Variants in CDH10 observed in about 807,000 individuals in gnomAD.
The protein encoded by CDH10 is cadherin-10.
A neutral mutation model predicts 73.1 loss-of-function variants in CDH10; 30 were observed. That is an observed-to-expected ratio of 0.41 (90% CI 0.31 to 0.56). CDH10 has a LOEUF of 0.56. Among genes scored for constraint, CDH10 ranks in the 20% least tolerant of loss-of-function variants. CDH10 has a pLI of 0.27. For missense variants in CDH10, 815 were observed against 973.7 expected (o/e 0.84, Z 2.17); for synonymous variants, 345 against 348.2 (o/e 0.99, Z 0.10).
At chr5:24,602,269 C>T (rs1746591630) in intron 1 of CDH10, among the ~76,000 whole-genome samples, 1 of 152,146 alleles carries the variant, frequency 6.6e-6, no homozygotes, top group East Asian at 1.9e-4. Flanking sequence ...TATTCAGTCA[C>T]AATTACTGTG....
intron 2 of CDH10, among the ~76,000 whole-genome samples, chr5:24,589,675 G>A (rs1432054546): frequency 6.6e-6 from 1 of 151,882 alleles, no homozygotes; most frequent in African/African-American, 2.4e-5. Flanking sequence ...GTAAATTCAA[G>A]GCTTTACAGT....
At chr5:24,520,007 G>C (rs1743256510) in intron 5 of CDH10, among the ~76,000 whole-genome samples, 1 of 152,060 alleles carries the variant, frequency 6.6e-6, no homozygotes, top group South Asian at 2.1e-4. Flanking sequence ...TGTTCACTTG[G>C]CCTCCCCTAT....
intron 2 of CDH10, among the ~76,000 whole-genome samples, chr5:24,546,545 C>A (rs1360048276): frequency 1.3e-5 from 2 of 151,920 alleles, no homozygotes; most frequent in Non-Finnish European, 2.9e-5. Flanking sequence ...TCCAATTATA[C>A]TTTTTACATG....
chr5:24,639,848 G>T (rs1482161279), intron 1 of CDH10, among the ~76,000 whole-genome samples: 2 of 151,632 alleles, frequency 1.3e-5, no homozygotes, highest in Non-Finnish European at 3.0e-5. Context: ...AATAACTTAT[G>T]CATTGAGCAT....
intron 8 of CDH10, among the ~76,000 whole-genome samples, chr5:24,499,688 G>GAA (rs36056652): frequency 0.04 from 5,882 of 147,350 alleles, 169 homozygotes; most frequent in Non-Finnish European, 0.051. Flanking sequence ...TTCCATCTCA[G>GAA]AAAAAAAAAA....
At chr5:24,548,371 T>C (rs544382206) in intron 2 of CDH10, among the ~76,000 whole-genome samples, 1 of 151,974 alleles carries the variant, frequency 6.6e-6, no homozygotes, top group Admixed American at 6.6e-5. Context: ...TACACCTGCC[T>C]TGGCCTCCCA....
intron 2 of CDH10, among the ~76,000 whole-genome samples, chr5:24,558,207 T>G (rs2319469): frequency 0.83 from 125,423 of 151,438 alleles, 51,974 homozygotes; most frequent in East Asian, 0.9. Context: ...GTGTTTGGGG[T>G]CAAATTTCTG....
At chr5:24,488,416 T>A (rs1741923554) in intron 11 of CDH10, among the ~76,000 whole-genome samples, 1 of 152,160 alleles carries the variant, frequency 6.6e-6, no homozygotes, top group Non-Finnish European at 1.5e-5. Context: ...TGACTTACAC[T>A]TTATTTTCCT....
intron 5 of CDH10, among the ~76,000 whole-genome samples, chr5:24,531,056 A>C (rs2111858571): frequency 6.6e-6 from 1 of 151,686 alleles, no homozygotes; most frequent in South Asian, 2.1e-4. Context: ...TTGTGGATAG[A>C]CTCCCTTCAA....
chr5:24,498,598 T>C, intron 8 of CDH10, 79 bp from the exon 9 acceptor site: 1 of 898,530 alleles, frequency 1.1e-6, no homozygotes, highest in South Asian at 1.5e-5. Context: ...ATCTTGTGGG[T>C]ATGAAGTGCT....
intron 2 of CDH10, among the ~76,000 whole-genome samples, chr5:24,572,393 A>T (rs1021203193): frequency 6.6e-6 from 1 of 152,098 alleles, no homozygotes; most frequent in African/African-American, 2.4e-5. Context: ...AAACCAAGAG[A>T]TAGCCGGAAG....
chr5:24,519,604 T>C (rs1428659783), intron 5 of CDH10, among the ~76,000 whole-genome samples: 1 of 152,162 alleles, frequency 6.6e-6, no homozygotes, highest in Non-Finnish European at 1.5e-5. Flanking sequence ...CAGAGACAAC[T>C]ACCCTAAAAT....
chr5:24,604,482 TA>T (rs1746682322), intron 1 of CDH10, among the ~76,000 whole-genome samples: 2 of 152,150 alleles, frequency 1.3e-5, no homozygotes, highest in Admixed American at 6.6e-5. Flanking sequence ...AGATGATACC[TA>T]AATCATGACA....
chr5:24,570,033 T>C (rs948646141), intron 2 of CDH10, among the ~76,000 whole-genome samples: 1 of 152,150 alleles, frequency 6.6e-6, no homozygotes, highest in Non-Finnish European at 1.5e-5. Context: ...CTCAAAGTCC[T>C]GGGATTACAG....
In CDH10 at chr5:24,633,987, T is replaced by C. The variant is rs143289214; in HGVS notation, c.-124+10607A>G. Reference sequence around the variant, plus strand: ...AGTGAATAGAATTTTACCAGAAATATTAGCAGCAATTTACCCTATAAATGG... The same window carrying C: ...AGTGAATAGAATTTTACCAGAAATACTAGCAGCAATTTACCCTATAAATGG... On this transcript the variant is annotated intron_variant, in intron 1 of 11. Coordinates refer to ENST00000264463, the MANE Select transcript of CDH10 (RefSeq NM_006727.5). Among the ~76,000 whole-genome samples, 85 of 151,956 alleles carry C rather than the reference T, an allele frequency of 5.6e-4. 2 individuals carry two copies. In the East Asian group the frequency reaches 0.016, roughly 29 times the overall value.
chr5:24,586,434 C>CTTTTTT lies in CDH10; in HGVS notation c.231+6820_231+6825dup, dbSNP rs35486231. The stretch of plus-strand genomic sequence containing the variant: ...GAAAATTTACATGCTTTATTAACTC[C>CTTTTTT]TTTTTTTTTTTTTTTTTTTTTTGAG... On this transcript the variant is annotated intron_variant, in intron 2 of 11. Coordinates refer to ENST00000264463, the MANE Select transcript of CDH10 (RefSeq NM_006727.5). Among the ~76,000 whole-genome samples the CTTTTTT allele has an allele frequency of 4.2e-3, 422 of 100,318 alleles. 6 individuals are homozygous for CTTTTTT. The highest frequency in any genetic ancestry group is 0.013 in the East Asian group (37 of 2,904). 65.8% of individuals were successfully genotyped at this position (100,318 alleles called of 152,430 possible).
intron 5 of CDH10, among the ~76,000 whole-genome samples, chr5:24,516,975 T>A (rs548845402): frequency 9.2e-5 from 14 of 152,152 alleles, no homozygotes; most frequent in Admixed American, 7.9e-4. Context: ...TTGAAATAAA[T>A]CTAATTATGT....
intron 5 of CDH10, among the ~76,000 whole-genome samples, chr5:24,528,185 C>T (rs1257740478): frequency 1.3e-5 from 2 of 151,490 alleles, no homozygotes; most frequent in East Asian, 1.9e-4. Flanking sequence ...GAACATAAAT[C>T]GTAGAACAGT....
chr5:24,488,150 A>G lies in CDH10; in HGVS notation c.1880T>C (p.Ile627Thr), dbSNP rs1347385291. 1.3e-6 allele frequency: 2 copies of G among 1,595,948 alleles called. No individual in the cohort carries two copies. Among genetic ancestry groups the G allele is most frequent in the East Asian group, 4.5e-5 (2 of 44,768 alleles). The change falls in exon 12 of 12, where the codon ATA becomes ACA. Residue 627 changes from isoleucine to threonine, a missense_variant. Ile to Thr is a moderately conservative substitution (Grantham distance 89). Coordinates refer to ENST00000264463, the MANE Select transcript of CDH10 (RefSeq NM_006727.5). ...TTTCAGAGCTGCAAACAGTACTACT[A>G]TAACTTGAAAAAAGACAAGAAGATA... The part of the protein sequence containing the change: ...ILLCIIILLV[I>T]VVLFAALKRQ...
Sources: gnomAD v4.1 joint callset for allele counts (sites outside exome capture counted in the v4.1 genomes callset) on GRCh38, gnomAD v4.1.1 for gene constraint, MANE v1.5 for transcripts, NCBI Gene and HGNC (gene_info 2026-07-23, HGNC 2026-07-21) for gene names.